Variants in OSBPL10 observed in about 807,000 individuals in gnomAD.
The protein encoded by OSBPL10 is oxysterol binding protein like 10.
OSBPL10 carries 49 observed loss-of-function variants against 81.7 expected under a neutral mutation model. The ratio of observed to expected loss-of-function variants is 0.60; its 90% CI spans 0.48 to 0.76. The LOEUF (loss-of-function observed/expected upper bound fraction) is 0.76. Among genes scored for constraint, OSBPL10 ranks in the 30% least tolerant of loss-of-function variants. The pLI is 0.00. For synonymous variants in OSBPL10, 419 were observed against 383.6 expected (o/e 1.09, Z -1.08); for missense variants, 923 against 987.8 (o/e 0.93, Z 0.88).
At chr3:31,794,824 C>A in intron 4 of OSBPL10, 1 of 347,696 alleles carries the variant, frequency 2.9e-6, no homozygotes, top group Admixed American at 3.5e-5. Context: ...CAAGCAGAAA[C>A]TGAACAGGAG....
At chr3:31,879,576 A>T in intron 2 of OSBPL10, 79 bp downstream of exon 2, 1 of 1,453,980 alleles carries the variant, frequency 6.9e-7, no homozygotes, top group Non-Finnish European at 9.3e-7. Context: ...ATTTAAAAAA[A>T]CAAAAAATCA....
At chr3:31,819,353 C>G (rs903665333) in intron 4 of OSBPL10, among the ~76,000 whole-genome samples, 1 of 152,208 alleles carries the variant, frequency 6.6e-6, no homozygotes, top group Non-Finnish European at 1.5e-5. Context: ...CTGCCGGGCA[C>G]TTTTACTTCT....
intron 4 of OSBPL10, among the ~76,000 whole-genome samples, chr3:31,818,181 T>G (rs1699893451): frequency 6.6e-6 from 1 of 152,092 alleles, no homozygotes; most frequent in Admixed American, 6.5e-5. Flanking sequence ...GTATTTACAT[T>G]GGTGGCCTCT....
intron 5 of OSBPL10, 21 bp downstream of exon 5, chr3:31,747,889 A>G (rs775006397): frequency 1.9e-6 from 3 of 1,611,212 alleles, no homozygotes; most frequent in Non-Finnish European, 2.5e-6. Context: ...CCAAACATGG[A>G]CAAGCCCCCG....
At chr3:31,735,221 T>G (rs765428467) in intron 5 of OSBPL10, among the ~76,000 whole-genome samples, 3 of 152,234 alleles carry the variant, frequency 2.0e-5, no homozygotes, top group Non-Finnish European at 2.9e-5. Context: ...GGTGAATCAC[T>G]TGAACCCAGG....
chr3:32,072,051 C>T (rs576313843), intron 1 of OSBPL10, among the ~76,000 whole-genome samples: 9 of 152,290 alleles, frequency 5.9e-5, no homozygotes, highest in African/African-American at 1.9e-4. Flanking sequence ...TACCTCTCAG[C>T]AAGCCGAACT....
chr3:31,768,827 GCTC>G (rs1698275472), intron 4 of OSBPL10, among the ~76,000 whole-genome samples: 2 of 152,208 alleles, frequency 1.3e-5, no homozygotes, highest in Admixed American at 6.5e-5. Context: ...TTTTAATCAA[GCTC>G]CATTTATTTC....
intron 1 of OSBPL10, among the ~76,000 whole-genome samples, chr3:32,060,578 G>T (rs1379381928): frequency 1.0e-5 from 1 of 95,980 alleles, no homozygotes; most frequent in East Asian, 2.4e-4. Context: ...ATCTCCAATT[G>T]TCTCCAAGCA....
intron 3 of OSBPL10, among the ~76,000 whole-genome samples, chr3:31,836,545 TC>T (rs1700361303): frequency 8.7e-6 from 1 of 114,400 alleles, no homozygotes; most frequent in South Asian, 3.6e-4. Context: ...ACCCCCCTCC[TC>T]TACCCCCCTG....
At chr3:31,706,679 T>G (rs1418556335) in intron 6 of OSBPL10, among the ~76,000 whole-genome samples, 1 of 152,224 alleles carries the variant, frequency 6.6e-6, no homozygotes, top group Admixed American at 6.5e-5. Flanking sequence ...CATTTAGCTT[T>G]GCTTTCATCT....
chr3:31,896,424 G>A (rs1696059180), intron 1 of OSBPL10, among the ~76,000 whole-genome samples: 3 of 152,146 alleles, frequency 2.0e-5, no homozygotes, highest in African/African-American at 7.2e-5. Flanking sequence ...ATGAATTTTG[G>A]ATCACTGCTT....
rs79725284 is a variant in OSBPL10 at position 31,884,888 on chromosome 3, G to A, written c.282-5058C>T. 4.3e-3 allele frequency among the ~76,000 whole-genome samples: 647 copies of A among 152,124 alleles called. 24 individuals are homozygous for A. In the East Asian group the frequency reaches 0.1, roughly 24 times the overall value. Reference sequence around the variant, plus strand: ...AGAGAGAACATACTTTCTTTGCTATGTTAAAAATAACATCAATAAAAGAGG... The same window carrying A: ...AGAGAGAACATACTTTCTTTGCTATATTAAAAATAACATCAATAAAAGAGG... On this transcript the variant is annotated intron_variant, in intron 1 of 11. Transcript: ENST00000396556.
At chr3:31,950,927 T>C (rs1016786152) in intron 1 of OSBPL10, among the ~76,000 whole-genome samples, 1 of 152,204 alleles carries the variant, frequency 6.6e-6, no homozygotes, top group Non-Finnish European at 1.5e-5. Flanking sequence ...GTGCCATGCC[T>C]GTACAGTCTT....
intron 1 of OSBPL10, among the ~76,000 whole-genome samples, chr3:32,046,910 A>C (rs1355720649): frequency 6.6e-6 from 1 of 152,228 alleles, no homozygotes; most frequent in Non-Finnish European, 1.5e-5. Context: ...TGTTACCAGA[A>C]AAAGGGTCCC....
intron 6 of OSBPL10, among the ~76,000 whole-genome samples, chr3:31,709,830 G>A (rs1205591197): frequency 2.0e-5 from 3 of 152,182 alleles, no homozygotes; most frequent in African/African-American, 4.8e-5. Flanking sequence ...CCTCCTAGGT[G>A]CCAAGCACTG....
At chr3:31,845,338 C>A (rs1277164578) in intron 3 of OSBPL10, among the ~76,000 whole-genome samples, 1 of 151,966 alleles carries the variant, frequency 6.6e-6, no homozygotes. Context: ...ACTGTATACC[C>A]AGGGTAACTG....
chr3:31,867,513 G>A (rs1210366653), intron 3 of OSBPL10, among the ~76,000 whole-genome samples: 2 of 152,260 alleles, frequency 1.3e-5, no homozygotes, highest in Admixed American at 1.3e-4. Flanking sequence ...AGCCCAAGGA[G>A]GGTGGATCAC....
intron 8 of OSBPL10, among the ~76,000 whole-genome samples, chr3:31,677,872 G>A (rs1166501777): frequency 6.7e-6 from 1 of 149,268 alleles, no homozygotes; most frequent in Admixed American, 6.6e-5. Flanking sequence ...ATGAGGTCAG[G>A]AGATCGAGAC....
At chr3:31,830,274 A>G (rs376295039) in intron 3 of OSBPL10, 43 bp from the exon 4 acceptor site, 59 of 1,559,190 alleles carry the variant, frequency 3.8e-5, no homozygotes, top group Non-Finnish European at 5.2e-5. Flanking sequence ...ACTGACCTGC[A>G]GAACACAACT....
Sources: gnomAD v4.1 joint callset for allele counts (sites outside exome capture counted in the v4.1 genomes callset) on GRCh38, gnomAD v4.1.1 for gene constraint, MANE v1.5 for transcripts, NCBI Gene and HGNC (gene_info 2026-07-23, HGNC 2026-07-21) for gene names.